The following ZBTB38 variants were observed in gnomAD, a reference collection of about 807,000 sequenced individuals.
ZBTB38 encodes the protein zinc finger and BTB domain containing 38, also known as zinc finger and BTB domain-containing protein 38.
A neutral mutation model predicts 76.8 loss-of-function variants in ZBTB38; 20 were observed. That is an observed-to-expected ratio of 0.26 (90% CI 0.18 to 0.38). The LOEUF is 0.38. Ranked by LOEUF, ZBTB38 falls within the 10% of genes least tolerant of loss-of-function variation. The pLI is 1.00. For synonymous variants in ZBTB38, 504 were observed against 544.2 expected (o/e 0.93, Z 1.03); for missense variants, 1,082 against 1,482.3 (o/e 0.73, Z 4.43).
intron 1 of ZBTB38, among the ~76,000 whole-genome samples, chr3:141,332,410 G>A (rs1411017119): frequency 3.3e-5 from 5 of 152,092 alleles, no homozygotes; most frequent in Non-Finnish European, 5.9e-5. Flanking sequence ...CACATACTGG[G>A]TGGCAGTGGC....
At chr3:141,435,755 C>T (rs1313029939) in intron 5 of ZBTB38, among the ~76,000 whole-genome samples, 8 of 148,956 alleles carry the variant, frequency 5.4e-5, no homozygotes, top group African/African-American at 1.7e-4. Flanking sequence ...GTAAGACTGC[C>T]TCAGAAAAAA....
At chr3:141,336,313 T>C (rs564042624) in intron 1 of ZBTB38, among the ~76,000 whole-genome samples, 279 of 152,234 alleles carry the variant, frequency 1.8e-3, no homozygotes, top group African/African-American at 6.5e-3. Flanking sequence ...ATAGCTCCAT[T>C]AAAACCCAGG....
intron 5 of ZBTB38, among the ~76,000 whole-genome samples, chr3:141,407,872 C>A (rs918861989): frequency 6.6e-6 from 1 of 152,200 alleles, no homozygotes; most frequent in Non-Finnish European, 1.5e-5. Context: ...TATGCATAAT[C>A]AGACAAAAAC....
chr3:141,330,417 TGG>T (rs1000035247), intron 1 of ZBTB38, among the ~76,000 whole-genome samples: 1 of 152,198 alleles, frequency 6.6e-6, no homozygotes, highest in African/African-American at 2.4e-5. Flanking sequence ...CCTCCACTGA[TGG>T]GGGATGTACG....
At chr3:141,411,478 G>A (rs1314209887) in intron 5 of ZBTB38, among the ~76,000 whole-genome samples, 1 of 152,222 alleles carries the variant, frequency 6.6e-6, no homozygotes, top group African/African-American at 2.4e-5. Context: ...ACCGGTGCCT[G>A]TGGCTGAACC....
In ZBTB38 at chr3:141,443,084, C is replaced by T. The variant is rs748649676; in HGVS notation, c.696C>T (p.Tyr232=). ...SYAVSSVAEA[Y]RSQPVREHDG... ...CTGTTTCTTCCGTAGCTGAAGCTTA[C>T]AGAAGTCAGCCTGTACGTGAACATG... Residue 232 remains tyrosine (Y), a synonymous_variant, in exon 6 of 6, where the codon TAC becomes TAT. Transcript: ENST00000321464. This position sits in a 1 kb window ranked among gnomAD's most constrained non-coding sequence, Gnocchi z 5.6. The T allele has an allele frequency of 6.2e-7, 1 of 1,614,072 alleles. No homozygotes were observed. Among genetic ancestry groups the T allele is most frequent in the African/African-American group, 1.3e-5 (1 of 74,910 alleles).
chr3:141,337,573 T>G (rs972851804), intron 1 of ZBTB38, among the ~76,000 whole-genome samples: 1 of 152,260 alleles, frequency 6.6e-6, no homozygotes, highest in African/African-American at 2.4e-5. Flanking sequence ...CTGAGCCTAC[T>G]GCACTGAAAT....
intron 5 of ZBTB38, among the ~76,000 whole-genome samples, chr3:141,416,743 C>T (rs560750029): frequency 1.3e-5 from 2 of 152,208 alleles, no homozygotes; most frequent in African/African-American, 2.4e-5. Flanking sequence ...AAGAGACACA[C>T]AGTAGAGACA....
At chr3:141,409,614 A>G (rs1955957621) in intron 5 of ZBTB38, among the ~76,000 whole-genome samples, 1 of 152,192 alleles carries the variant, frequency 6.6e-6, no homozygotes. Context: ...CAGGTAGGAG[A>G]TCAGGACCCC....
intron 5 of ZBTB38, among the ~76,000 whole-genome samples, chr3:141,420,232 AG>A (rs937387060): frequency 2.6e-5 from 4 of 152,150 alleles, no homozygotes; most frequent in East Asian, 1.9e-4. Flanking sequence ...TGAGCTACTT[AG>A]GGAGAATGAG....
intron 5 of ZBTB38, among the ~76,000 whole-genome samples, chr3:141,408,636 T>C (rs1349256466): frequency 6.6e-6 from 1 of 152,220 alleles, no homozygotes; most frequent in Non-Finnish European, 1.5e-5. Flanking sequence ...TTGAGATATA[T>C]AGACATGTTT....
At position 141,437,921 on chromosome 3, in the gene ZBTB38, A is replaced by AT. The variant is rs1448883773; in HGVS notation, c.1-4460dup. On this transcript the variant is annotated intron_variant, in intron 5 of 5. Transcript: ENST00000321464. ...CTTTTTCTTTTTCTTTTATTTATTTATTTTTTTTGAGATGGAGTCTCGCTC... is the reference window on the plus strand; with the variant it reads ...CTTTTTCTTTTTCTTTTATTTATTTATTTTTTTTTGAGATGGAGTCTCGCTC... 5.3e-5 allele frequency among the ~76,000 whole-genome samples: 8 copies of AT among 151,476 alleles called. No individual in the cohort carries two copies. The East Asian group carries it at 5.8e-4, about 11-fold the overall frequency.
At chr3:141,392,259 G>A (rs1402857923) in intron 4 of ZBTB38, among the ~76,000 whole-genome samples, 1 of 152,110 alleles carries the variant, frequency 6.6e-6, no homozygotes, top group Non-Finnish European at 1.5e-5. Context: ...GAAGGGGGCT[G>A]GTGGTAAAGG....
At chr3:141,332,559 T>A (rs542731914) in intron 1 of ZBTB38, among the ~76,000 whole-genome samples, 20 of 152,314 alleles carry the variant, frequency 1.3e-4, no homozygotes, top group African/African-American at 4.6e-4. Context: ...TACTTTGCTG[T>A]ATTTCCAGAG....
Position 141,444,728 on chromosome 3 carries a change from T to C in ZBTB38, c.2340T>C (p.Thr780=), listed in dbSNP as rs2080858878. 1.2e-6 allele frequency: 2 copies of C among 1,614,088 alleles called. No homozygotes were observed. The highest frequency in any genetic ancestry group is 8.5e-7 in the Non-Finnish European group (1 of 1,180,006). The change falls in exon 6 of 6, where the codon ACT becomes ACC. Residue 780 remains threonine (T), a synonymous_variant. Transcript: ENST00000321464. This position sits in a 1 kb window ranked among gnomAD's most constrained non-coding sequence, Gnocchi z 5.1. The part of the protein sequence containing the change: ...RPKSIKEKKK[T]TSHTRGEIPE... The stretch of plus-strand genomic sequence containing the variant: ...AAAGCATTAAGGAGAAAAAGAAAAC[T>C]ACATCACATACCAGGGGAGAAATAC...
At position 141,444,977 on chromosome 3, in the gene ZBTB38, G is replaced by C. The variant is rs2080899698; in HGVS notation, c.2589G>C (p.Gly863=). 6.2e-7 allele frequency: 1 copy of C among 1,614,082 alleles called. No individual in the cohort carries two copies. Among genetic ancestry groups the C allele is most frequent in the African/African-American group, 1.3e-5 (1 of 74,920 alleles). ...GATCTAAATTGTTTTATAAAAGAGG[G>C]AGAAGACCCAAGTATCAGATGCAGG... ...ILGSKLFYKR[G]RRPKYQMQEE... Residue 863 remains glycine (G), a synonymous_variant, in exon 6 of 6, where the codon GGG becomes GGC. Coordinates refer to ENST00000321464, the MANE Select transcript of ZBTB38 (RefSeq NM_001376113.1). This position sits in a 1 kb window ranked among gnomAD's most constrained non-coding sequence, Gnocchi z 5.1.
At chr3:141,401,569 G>A (rs891563277) in intron 4 of ZBTB38, among the ~76,000 whole-genome samples, 19 of 151,276 alleles carry the variant, frequency 1.3e-4, no homozygotes, top group Non-Finnish European at 2.8e-4. Context: ...GGCTGAAAAC[G>A]TAAAGAATTG....
chr3:141,420,255 G>A (rs1054545106), intron 5 of ZBTB38, among the ~76,000 whole-genome samples: 1 of 152,112 alleles, frequency 6.6e-6, no homozygotes, highest in African/African-American at 2.4e-5. Context: ...GAATAGAGAA[G>A]AACAGTTGAA....
At chr3:141,394,786 C>T (rs956762832) in intron 4 of ZBTB38, among the ~76,000 whole-genome samples, 7 of 152,176 alleles carry the variant, frequency 4.6e-5, no homozygotes, top group Admixed American at 4.6e-4. Flanking sequence ...CCTGTACTTC[C>T]TGCTAAGCTC....
Sources: gnomAD v4.1 joint callset for allele counts (sites outside exome capture counted in the v4.1 genomes callset) on GRCh38, gnomAD v4.1.1 for gene constraint, Gnocchi (gnomAD v3.1) non-coding constraint, MANE v1.5 for transcripts, NCBI Gene and HGNC (gene_info 2026-07-23, HGNC 2026-07-21) for gene names.